The following IL21R variants were observed in gnomAD, a reference collection of about 807,000 sequenced individuals.
IL21R encodes interleukin 21 receptor, also known as interleukin-21 receptor.
In IL21R, 14 loss-of-function variants were observed where a neutral mutation model predicts 41.3. The ratio of observed to expected loss-of-function variants is 0.34; its 90% confidence interval spans 0.22 to 0.53. The LOEUF (loss-of-function observed/expected upper bound fraction) is 0.53. Among genes scored for constraint, IL21R ranks in the 20% least tolerant of loss-of-function variants. IL21R has a pLI of 0.94. For missense variants in IL21R, 588 were observed against 681.6 expected, an observed-to-expected ratio of 0.86 and a Z score of 1.53; for synonymous variants, 286 against 287.6, an observed-to-expected ratio of 0.99 and a Z score of 0.05.
At chr16:27,423,416 C>T (rs1459070547) in intron 1 of IL21R, among the ~76,000 whole-genome samples, 3 of 152,174 alleles carry the variant, frequency 2.0e-5, no homozygotes, top group Non-Finnish European at 4.4e-5. Context: ...AATCAACACC[C>T]ATGGTAGCTT....
At chr16:27,432,361 T>G (rs2087189277) in intron 2 of IL21R, among the ~76,000 whole-genome samples, 1 of 152,220 alleles carries the variant, frequency 6.6e-6, no homozygotes. Context: ...AGAGCTACTT[T>G]GTGCACCTCT....
chr16:27,447,473 C>G (rs1029551344), intron 8 of IL21R, among the ~76,000 whole-genome samples: 5 of 152,060 alleles, frequency 3.3e-5, no homozygotes, highest in Admixed American at 6.6e-5. Context: ...CAGGGAGATA[C>G]CCATTCCTGG....
intron 1 of IL21R, among the ~76,000 whole-genome samples, chr16:27,428,959 C>A (rs140459507): frequency 2.0e-5 from 3 of 152,230 alleles, no homozygotes; most frequent in African/African-American, 7.2e-5. Context: ...TGCAGTGGCT[C>A]ATGCCTGTAA....
chr16:27,405,279 T>C (rs140773713), intron 1 of IL21R, among the ~76,000 whole-genome samples: 4 of 152,168 alleles, frequency 2.6e-5, no homozygotes, highest in Non-Finnish European at 5.9e-5. Context: ...GTGATCTGCC[T>C]GTCTCAGTCT....
intron 1 of IL21R, among the ~76,000 whole-genome samples, chr16:27,409,653 A>G (rs1278460237): frequency 6.6e-6 from 1 of 152,212 alleles, no homozygotes; most frequent in Non-Finnish European, 1.5e-5. Flanking sequence ...CTGGTGACTT[A>G]CTGAAAATCA....
chr16:27,408,193 C>G (rs28433001), intron 1 of IL21R, among the ~76,000 whole-genome samples: 37,063 of 152,086 alleles, frequency 0.24, 4,809 homozygotes, highest in African/African-American at 0.33. Flanking sequence ...GAAGGAGTGA[C>G]TCATGCTCTT....
intron 1 of IL21R, chr16:27,403,246 G>A: frequency 7.5e-7 from 1 of 1,328,360 alleles, no homozygotes. Flanking sequence ...AGTTCCCTGT[G>A]CATGTGGAGG....
intron 1 of IL21R, among the ~76,000 whole-genome samples, chr16:27,411,869 T>A (rs2086829563): frequency 6.6e-6 from 1 of 152,214 alleles, no homozygotes; most frequent in South Asian, 2.1e-4. Context: ...GCAAATATTT[T>A]GTCCCATTCC....
intron 1 of IL21R, among the ~76,000 whole-genome samples, chr16:27,424,496 C>T (rs1259033943): frequency 1.3e-5 from 2 of 152,198 alleles, no homozygotes; most frequent in Non-Finnish European, 2.9e-5. Flanking sequence ...TACAGCAACT[C>T]CAGGAAACAT....
intron 1 of IL21R, among the ~76,000 whole-genome samples, chr16:27,424,884 G>A (rs528845191): frequency 2.0e-4 from 31 of 152,330 alleles, no homozygotes; most frequent in African/African-American, 6.5e-4. Flanking sequence ...TGGTAAGGAG[G>A]CCCTCAGGGA....
At chr16:27,404,638 TCCACACAACTAGGAAGGG>T (rs1386756442) in intron 1 of IL21R, among the ~76,000 whole-genome samples, 1 of 152,152 alleles carries the variant, frequency 6.6e-6, no homozygotes, top group Non-Finnish European at 1.5e-5. Flanking sequence ...AGGGGCCTTC[TCCACACAACTAGGAAGGG>T]GTGCCTGCGG....
intron 1 of IL21R, among the ~76,000 whole-genome samples, chr16:27,417,523 T>C (rs1037677212): frequency 3.9e-5 from 6 of 152,236 alleles, no homozygotes; most frequent in African/African-American, 1.2e-4. Context: ...GAAACAGTCA[T>C]ACATTGCTTA....
intron 1 of IL21R, chr16:27,427,230 T>C (rs1402517169): frequency 3.2e-6 from 3 of 946,344 alleles, no homozygotes; most frequent in South Asian, 4.9e-5. Flanking sequence ...TTGTGGAGCA[T>C]GGGGTGGAGT....
chr16:27,427,156 T>A, intron 1 of IL21R: 1 of 242,806 alleles, frequency 4.1e-6, no homozygotes, highest in Non-Finnish European at 6.6e-6. Context: ...CCATCCCTGA[T>A]GCAATCACTG....
chr16:27,430,034 C>G (rs1203019075), intron 1 of IL21R, 22 bp from the exon 2 acceptor site: 1 of 1,603,148 alleles, frequency 6.2e-7, no homozygotes, highest in South Asian at 1.1e-5. Flanking sequence ...CTGGCTCACC[C>G]TCCACTGTAC....
chr16:27,414,165 A>AGTGT (rs3917005), intron 1 of IL21R, among the ~76,000 whole-genome samples: 67 of 144,288 alleles, frequency 4.6e-4, no homozygotes, highest in East Asian at 2.1e-3. Flanking sequence ...AGCTATGTAT[A>AGTGT]GTGTGTGTGT....
chr16:27,402,240 G>A lies in IL21R; in HGVS notation c.-395G>A, dbSNP rs1045148182. ...AGACCCACTGGCGTCTCTCTGCTGA[G>A]TGACCGTAAGCTCGGCGTCTGGCCC... is the stretch of plus-strand genomic sequence containing the variant. On this transcript the variant is annotated 5_prime_UTR_variant, in exon 1 of 9. In the 5' UTR this introduces an upstream ATG that the reference lacks. Transcript: ENST00000337929. 2.0e-5 allele frequency: 3 copies of A among 152,440 alleles called. No homozygotes were observed. The highest frequency in any genetic ancestry group is 6.5e-5 in the Admixed American group (1 of 15,290). The allele number at this position is 152,440 out of a possible 1,614,324, so 9.4% of individuals were successfully genotyped here.
intron 1 of IL21R, among the ~76,000 whole-genome samples, chr16:27,428,583 C>T (rs2141281670): frequency 6.6e-6 from 1 of 152,390 alleles, no homozygotes; most frequent in South Asian, 2.1e-4. Context: ...CTCTGGCTGG[C>T]ACTTCCTCAA....
At chr16:27,434,235 G>A (rs1479855134) in intron 2 of IL21R, 112 bp from the exon 3 acceptor site, 2 of 692,424 alleles carry the variant, frequency 2.9e-6, no homozygotes, top group Non-Finnish European at 5.1e-6. Context: ...TATTTGTCCC[G>A]GCCTGGGGAC....
Sources: gnomAD v4.1 joint callset for allele counts (sites outside exome capture counted in the v4.1 genomes callset) on GRCh38, gnomAD v4.1.1 for gene constraint, MANE v1.5 for transcripts, NCBI Gene and HGNC (gene_info 2026-07-23, HGNC 2026-07-21) for gene names.